Variants in ARHGEF18 observed in about 807,000 individuals in gnomAD.
The protein encoded by ARHGEF18 is Rho/Rac guanine nucleotide exchange factor 18, also known as rho guanine nucleotide exchange factor 18.
ARHGEF18 carries 93 observed loss-of-function variants against 155.7 expected under a neutral mutation model. The ratio of observed to expected loss-of-function variants is 0.60; its 90% CI spans 0.50 to 0.71. ARHGEF18 has a LOEUF of 0.71. Among genes scored for constraint, ARHGEF18 ranks in the 30% least tolerant of loss-of-function variants. The pLI, the probability that ARHGEF18 is intolerant of heterozygous loss-of-function variation, is 0.00. For synonymous variants in ARHGEF18, 742 were observed against 753.1 expected (o/e 0.99, Z 0.24); for missense variants, 1,593 against 1,816.1 (o/e 0.88, Z 2.23).
Position 7,440,581 on chromosome 19 carries a change from T to C in ARHGEF18, c.1106+99T>C. ...AGGGAGACCCCGACTTAGATCTGTGTGAATCCACACGGCAGCCCCCGTGCT... is the reference window on the plus strand; with the variant it reads ...AGGGAGACCCCGACTTAGATCTGTGCGAATCCACACGGCAGCCCCCGTGCT... On this transcript the variant is annotated intron_variant, in intron 11 of 28. Transcript: ENST00000668164. The surrounding 1 kb of genome is among the most constrained non-coding windows in gnomAD (Gnocchi z 5.4). The C allele has an allele frequency of 1.4e-6, 2 of 1,392,918 alleles. No homozygotes were observed. The highest frequency in any genetic ancestry group is 1.4e-5 in the South Asian group (1 of 72,546). The allele number at this position is 1,392,918 out of a possible 1,614,324, so 86.3% of individuals were successfully genotyped here. A position where few individuals can be genotyped will look rare whatever the true frequency, so the allele number is the denominator to read the frequency against.
At chr19:7,410,809 C>CAAAAAAAAAAAAA (rs58022667) in intron 10 of ARHGEF18, among the ~76,000 whole-genome samples, 1 of 82,286 alleles carries the variant, frequency 1.2e-5, no homozygotes, top group Non-Finnish European at 2.3e-5. Context: ...GACTCCATCT[C>CAAAAAAAAAAAAA]AAAAAAAAAA....
chr19:7,373,477 G>GTTTTTTTTTTTTTTTTTT (rs369561919), intron 3 of ARHGEF18, among the ~76,000 whole-genome samples: 2 of 95,650 alleles, frequency 2.1e-5, no homozygotes, highest in African/African-American at 1.0e-4. Flanking sequence ...TTTTTTTTTT[G>GTTTTTTTTTTTTTTTTTT]TTTTTGTTTT....
At chr19:7,402,925 A>G (rs1972094188) in intron 10 of ARHGEF18, among the ~76,000 whole-genome samples, 1 of 152,126 alleles carries the variant, frequency 6.6e-6, no homozygotes, top group African/African-American at 2.4e-5. Flanking sequence ...TATGATCACA[A>G]TTTATGTTAT....
chr19:7,470,301 G>C lies in ARHGEF18; in HGVS notation c.*3G>C. On this transcript the variant is annotated 3_prime_UTR_variant, in exon 29 of 29. Transcript: ENST00000668164. This position sits in a 1 kb window ranked among gnomAD's most constrained non-coding sequence, Gnocchi z 5.9. The stretch of plus-strand genomic sequence containing the variant: ...AAGAAGACGTCATCTTCTTCTAAAA[G>C]GGCCGTGACTCAAGGTGCAAGGCCC... 1 of 1,520,004 alleles carries C rather than the reference G, an allele frequency of 6.6e-7. No homozygotes were observed. Among genetic ancestry groups the C allele is most frequent in the Non-Finnish European group, 8.8e-7 (1 of 1,133,954 alleles). 94.2% of individuals were successfully genotyped at this position (1,520,004 alleles called of 1,614,324 possible).
At chr19:7,402,240 G>A (rs1972052932) in intron 10 of ARHGEF18, among the ~76,000 whole-genome samples, 1 of 152,118 alleles carries the variant, frequency 6.6e-6, no homozygotes, top group South Asian at 2.1e-4. Flanking sequence ...CCAACATGGT[G>A]AAGCCCAATC....
At chr19:7,454,852 G>A (rs1975726866) in intron 17 of ARHGEF18, among the ~76,000 whole-genome samples, 1 of 152,206 alleles carries the variant, frequency 6.6e-6, no homozygotes, top group South Asian at 2.1e-4. Flanking sequence ...GCAGTCATGG[G>A]CCAGCCTGCC....
chr19:7,404,241 T>C (rs938159032), intron 10 of ARHGEF18, among the ~76,000 whole-genome samples: 2 of 152,110 alleles, frequency 1.3e-5, no homozygotes, highest in Non-Finnish European at 2.9e-5. Flanking sequence ...TTCACTGAGT[T>C]GACCTGACCT....
chr19:7,462,091 G>T lies in ARHGEF18; in HGVS notation c.2453-61G>T. ...CCTCATCCTTAGGCCAGTCCCCGGG[G>T]CTCAGATGATTCCAGGGAAGGCCGA... On this transcript the variant is annotated intron_variant, in intron 20 of 28. Coordinates refer to ENST00000668164, the MANE Select transcript of ARHGEF18 (RefSeq NM_001367823.1). The surrounding 1 kb of genome is among the most constrained non-coding windows in gnomAD (Gnocchi z 4.4). 6.2e-7 allele frequency: 1 copy of T among 1,604,906 alleles called. No individual in the cohort carries two copies. Among genetic ancestry groups the T allele is most frequent in the South Asian group, 1.1e-5 (1 of 90,684 alleles).
rs1405674418 is a variant in ARHGEF18 at position 7,467,464 on chromosome 19, G to A, written c.3260G>A (p.Arg1087Gln). The A allele has an allele frequency of 4.0e-6, 6 of 1,496,280 alleles. No individual in the cohort carries two copies. The highest frequency in any genetic ancestry group is 2.3e-5 in the Admixed American group (1 of 43,716). 92.7% of individuals were successfully genotyped at this position (1,496,280 alleles called of 1,614,324 possible). Residue 1087 changes from arginine to glutamine, a missense_variant, in exon 26 of 29, where the codon CGG (arginine) becomes CAG (glutamine). Arg to Gln is a conservative substitution (Grantham distance 43). Transcript: ENST00000668164. ...CAGGAGCTGGAGCGTGCGGGCGCGCGGCTGCAGGAGCGCGAGGGCGAGGCG... is the reference window on the plus strand; with the variant it reads ...CAGGAGCTGGAGCGTGCGGGCGCGCAGCTGCAGGAGCGCGAGGGCGAGGCG... ...QHQELERAGARLQEREGEARQ... is the reference protein window; with the variant it reads ...QHQELERAGAQLQEREGEARQ...
At chr19:7,391,965 G>T (rs1971425605) in intron 10 of ARHGEF18, among the ~76,000 whole-genome samples, 1 of 152,152 alleles carries the variant, frequency 6.6e-6, no homozygotes, top group Non-Finnish European at 1.5e-5. Context: ...ATGAGGCCAG[G>T]TGTGGTGGCT....
At chr19:7,383,854 A>C (rs1970863044) in intron 10 of ARHGEF18, among the ~76,000 whole-genome samples, 1 of 150,370 alleles carries the variant, frequency 6.7e-6, no homozygotes, top group South Asian at 2.1e-4. Flanking sequence ...GGGGCATACA[A>C]TTTTATCCAT....
intron 10 of ARHGEF18, among the ~76,000 whole-genome samples, chr19:7,419,015 C>T (rs1294774004): frequency 6.8e-6 from 1 of 146,026 alleles, no homozygotes; most frequent in Non-Finnish European, 1.5e-5. Context: ...CACCCGCACT[C>T]GGCCTCTGTA....
At chr19:7,431,489 C>A (rs1261787024) in intron 10 of ARHGEF18, among the ~76,000 whole-genome samples, 3 of 117,264 alleles carry the variant, frequency 2.6e-5, no homozygotes, top group African/African-American at 3.4e-5. Flanking sequence ...CCAGCCTGGA[C>A]GACAGAGTGA....
intron 4 of ARHGEF18, 33 bp downstream of exon 4, chr19:7,375,903 G>C: frequency 9.7e-6 from 12 of 1,234,274 alleles, no homozygotes; most frequent in Non-Finnish European, 1.2e-5. Context: ...CCTGACAATA[G>C]CACACTTTTG....
chr19:7,448,061 C>T (rs933971331), intron 15 of ARHGEF18, among the ~76,000 whole-genome samples: 1 of 152,196 alleles, frequency 6.6e-6, no homozygotes, highest in Non-Finnish European at 1.5e-5. Flanking sequence ...ACGGTGGCCC[C>T]TGAGAGACCC....
chr19:7,432,322 C>T (rs1028389915), intron 10 of ARHGEF18, among the ~76,000 whole-genome samples: 4 of 152,160 alleles, frequency 2.6e-5, no homozygotes, highest in African/African-American at 9.7e-5. Context: ...AGCCAGGTTG[C>T]ACTCTCAGCC....
chr19:7,448,586 G>A (rs555474337), intron 15 of ARHGEF18, among the ~76,000 whole-genome samples: 15 of 152,086 alleles, frequency 9.9e-5, no homozygotes, highest in Middle Eastern at 3.4e-3. Context: ...GTGTGAACCC[G>A]GGAGGCGGAG....
chr19:7,475,644 A>G (rs998209550), downstream of ARHGEF18, among the ~76,000 whole-genome samples: 4 of 152,056 alleles, frequency 2.6e-5, no homozygotes, highest in Admixed American at 2.6e-4. Flanking sequence ...TGGGCTCCAC[A>G]TGGTCAGTGT....
At position 7,441,934 on chromosome 19, in the gene ARHGEF18, G is replaced by A. The variant is rs1338775810; in HGVS notation, c.1242G>A (p.Arg414=). The part of the protein sequence containing the change: ...FVEDPYTASL[R]SEIESDGHEF... ...CAGATCCCTACACCGCCTCGCTGAG[G>A]AGTGAGATTGAGTCAGACGGCCACG... Residue 414 remains arginine, a synonymous_variant, in exon 13 of 29, where the codon AGG becomes AGA. Coordinates refer to ENST00000668164, the MANE Select transcript of ARHGEF18 (RefSeq NM_001367823.1). 6.2e-7 allele frequency: 1 copy of A among 1,614,112 alleles called. No homozygotes were observed. The highest frequency in any genetic ancestry group is 1.7e-5 in the Admixed American group (1 of 60,014).
Sources: gnomAD v4.1 joint callset for allele counts (sites outside exome capture counted in the v4.1 genomes callset) on GRCh38, gnomAD v4.1.1 for gene constraint, Gnocchi (gnomAD v3.1) non-coding constraint, MANE v1.5 for transcripts, NCBI Gene and HGNC (gene_info 2026-07-23, HGNC 2026-07-21) for gene names.